Variants in MAP3K13 observed in about 807,000 individuals in gnomAD.
MAP3K13 encodes mitogen-activated protein kinase kinase kinase 13.
MAP3K13 carries 52 observed loss-of-function variants against 104.0 expected under a neutral mutation model. The observed-to-expected ratio is 0.50, with a 90% CI of 0.40 to 0.63. The LOEUF is 0.63. Ranked by LOEUF, MAP3K13 falls within the 20% of genes least tolerant of loss-of-function variation. The probability of loss-of-function intolerance (pLI) is 0.00; values close to 1 mark genes in which losing one functional copy is unlikely to be tolerated. For synonymous variants in MAP3K13, 394 were observed against 442.2 expected (o/e 0.89, Z 1.37); for missense variants, 914 against 1,218.5 (o/e 0.75, Z 3.72).
intron 10 of MAP3K13, 141 bp from the exon 11 acceptor site, chr3:185,472,834 C>T: frequency 1.3e-6 from 1 of 768,050 alleles, no homozygotes; most frequent in African/African-American, 1.8e-5. Context: ...ATTTTGAAGA[C>T]CCCTCATACG....
intron 2 of MAP3K13, among the ~76,000 whole-genome samples, chr3:185,356,491 T>C (rs1013215025): frequency 6.6e-6 from 1 of 152,174 alleles, no homozygotes; most frequent in Non-Finnish European, 1.5e-5. Context: ...CCAGTGGCCT[T>C]TTTCAGGAAT....
intron 2 of MAP3K13, among the ~76,000 whole-genome samples, chr3:185,349,890 C>G (rs1295985849): frequency 1.3e-5 from 2 of 152,196 alleles, no homozygotes; most frequent in South Asian, 4.1e-4. Context: ...AACTCTTTCT[C>G]TTCAGCAAGG....
chr3:185,415,891 T>A (rs961615369), intron 1 of MAP3K13, among the ~76,000 whole-genome samples: 6 of 152,170 alleles, frequency 3.9e-5, no homozygotes, highest in African/African-American at 1.4e-4. Flanking sequence ...CCAATTTTTT[T>A]CTCCCAAATA....
intron 2 of MAP3K13, among the ~76,000 whole-genome samples, chr3:185,298,967 C>T (rs1226781077): frequency 1.3e-5 from 2 of 152,142 alleles, no homozygotes; most frequent in Non-Finnish European, 2.9e-5. Flanking sequence ...TTAACACGTT[C>T]CAAACGTGTA....
intron 1 of MAP3K13, among the ~76,000 whole-genome samples, chr3:185,369,048 T>C (rs1724031574): frequency 6.6e-6 from 1 of 151,956 alleles, no homozygotes; most frequent in Non-Finnish European, 1.5e-5. Flanking sequence ...TGATTGAGCA[T>C]TTACTATGAG....
chr3:185,418,474 A>G lies in MAP3K13; in HGVS notation c.-85-10023A>G. 6.2e-7 allele frequency: 1 copy of G among 1,611,632 alleles called. No homozygotes were observed. The highest frequency in any genetic ancestry group is 8.5e-7 in the Non-Finnish European group (1 of 1,179,548). ...ACGGCGCCAGGTTTTGGTTGGTGCA[A>G]ACCTTCGGCCTCCACGACACATGTT... is the stretch of plus-strand genomic sequence containing the variant. On this transcript the variant is annotated intron_variant, in intron 1 of 13. Coordinates refer to ENST00000265026, the MANE Select transcript of MAP3K13 (RefSeq NM_004721.5). This position sits in a 1 kb window ranked among gnomAD's most constrained non-coding sequence, Gnocchi z 4.5.
intron 1 of MAP3K13, among the ~76,000 whole-genome samples, chr3:185,379,201 A>G (rs560794201): frequency 1.4e-4 from 22 of 152,318 alleles, no homozygotes; most frequent in Non-Finnish European, 2.5e-4. Context: ...TCAGACACCA[A>G]TGGAACGTGG....
intron 7 of MAP3K13, among the ~76,000 whole-genome samples, chr3:185,453,022 G>A (rs986132645): frequency 3.3e-5 from 5 of 152,108 alleles, no homozygotes; most frequent in East Asian, 1.9e-4. Context: ...GGAAGAATTG[G>A]TGGCAATTAA....
At chr3:185,454,904 T>C (rs62650460) in intron 7 of MAP3K13, among the ~76,000 whole-genome samples, 1,533 of 92,844 alleles carry the variant, frequency 0.017, 16 homozygotes, top group African/African-American at 0.027. Flanking sequence ...GAGATATATA[T>C]ATGATATATA....
intron 2 of MAP3K13, among the ~76,000 whole-genome samples, chr3:185,348,445 AT>A (rs1202126881): frequency 6.6e-6 from 1 of 152,188 alleles, no homozygotes; most frequent in African/African-American, 2.4e-5. Flanking sequence ...TCTCTCGAGT[AT>A]TTATAATAGT....
At position 185,456,596 on chromosome 3, in the gene MAP3K13, C is replaced by CTTTTTTT. The variant is rs35547697; in HGVS notation, c.1278+5216_1278+5222dup. Reference sequence around the variant, plus strand: ...GGTTGCAATCACAGCTTTGCTTCTCCTTTTTTTTTTTTTTTTTTTTTGAGA... The same window carrying CTTTTTTT: ...GGTTGCAATCACAGCTTTGCTTCTCCTTTTTTTTTTTTTTTTTTTTTTTTTTTTGAGA... On this transcript the variant is annotated intron_variant, in intron 7 of 13. Coordinates refer to ENST00000265026, the MANE Select transcript of MAP3K13 (RefSeq NM_004721.5). 4.6e-5 allele frequency among the ~76,000 whole-genome samples: 5 copies of CTTTTTTT among 108,004 alleles called. 1 individual carries two copies. The highest frequency in any genetic ancestry group is 3.5e-5 in the Non-Finnish European group (2 of 57,160). The allele number at this position is 108,004 out of a possible 152,430, so 70.9% of individuals were successfully genotyped here. A position where few individuals can be genotyped will look rare whatever the true frequency, so the allele number is the denominator to read the frequency against.
chr3:185,346,415 T>C (rs1282969488), intron 2 of MAP3K13, among the ~76,000 whole-genome samples: 5 of 152,226 alleles, frequency 3.3e-5, no homozygotes, highest in Non-Finnish European at 5.9e-5. Context: ...GATCACCTGG[T>C]ATCTATTATT....
chr3:185,435,620 T>C (rs1714987471), intron 2 of MAP3K13, among the ~76,000 whole-genome samples: 1 of 152,150 alleles, frequency 6.6e-6, no homozygotes, highest in Non-Finnish European at 1.5e-5. Flanking sequence ...TTCAGTAGAG[T>C]GGAAACCTTT....
chr3:185,439,704 GAGA>G (rs2148890366), intron 3 of MAP3K13, among the ~76,000 whole-genome samples: 1 of 152,272 alleles, frequency 6.6e-6, no homozygotes, highest in South Asian at 2.1e-4. Flanking sequence ...ATGGTGTTGT[GAGA>G]AGCTTTATTT....
chr3:185,467,041 G>A, intron 10 of MAP3K13, 78 bp downstream of exon 10: 1 of 1,532,340 alleles, frequency 6.5e-7, no homozygotes, highest in Non-Finnish European at 9.0e-7. Context: ...CATGATGGCG[G>A]ATGTGGCCTC....
chr3:185,417,627 C>T (rs563243468), intron 1 of MAP3K13: 4 of 1,611,854 alleles, frequency 2.5e-6, no homozygotes, highest in East Asian at 4.5e-5. Flanking sequence ...CAACAGCAGC[C>T]TTCTTTCCTT....
At chr3:185,475,349 C>A (rs1718059210) in intron 11 of MAP3K13, among the ~76,000 whole-genome samples, 1 of 152,128 alleles carries the variant, frequency 6.6e-6, no homozygotes, top group Non-Finnish European at 1.5e-5. Context: ...GACACCCACC[C>A]AATTCTAAGT....
intron 1 of MAP3K13, among the ~76,000 whole-genome samples, chr3:185,381,560 T>C (rs1231341800): frequency 6.6e-6 from 1 of 152,202 alleles, no homozygotes; most frequent in Non-Finnish European, 1.5e-5. Flanking sequence ...GTTTTAGCTC[T>C]CCTATTGTAA....
intron 1 of MAP3K13, among the ~76,000 whole-genome samples, chr3:185,387,775 A>G (rs1309332376): frequency 6.6e-6 from 1 of 152,104 alleles, no homozygotes; most frequent in Non-Finnish European, 1.5e-5. Context: ...GGTCACTTTC[A>G]CCAGTCTCAT....
Sources: allele counts gnomAD v4.1 joint callset (sites outside exome capture counted in the v4.1 genomes callset), GRCh38; gene constraint gnomAD v4.1.1; non-coding constraint Gnocchi (gnomAD v3.1); transcripts MANE v1.5; gene names NCBI Gene and HGNC (gene_info 2026-07-23, HGNC 2026-07-21).